KYNU: variants seen among roughly 807,000 people sequenced by gnomAD.
KYNU encodes the protein kynureninase.
In KYNU, 54 loss-of-function variants were observed where a neutral mutation model predicts 59.2. That is an observed-to-expected ratio of 0.91 (90% CI 0.73 to 1.14). The LOEUF (loss-of-function observed/expected upper bound fraction) is 1.14, where lower values mean the gene tolerates loss of function less well. Ranked by LOEUF, KYNU falls within the 50% of genes most tolerant of loss-of-function variation. The pLI is 0.00. For missense variants in KYNU, 567 were observed against 554.4 expected, an observed-to-expected ratio of 1.02 and a Z score of -0.23; for synonymous variants, 177 against 192.0, an observed-to-expected ratio of 0.92 and a Z score of 0.65.
In KYNU at chr2:142,927,755, A is replaced by T. The variant is rs753258114; in HGVS notation, c.373+14A>T. On this transcript the variant is annotated intron_variant, in intron 4 of 13. Transcript: ENST00000264170. ...AGGACATTGTAGGTAAGTACAAAACACTGAAGTTTTTCCAAATGAATTGTA... is the reference window on the plus strand; with the variant it reads ...AGGACATTGTAGGTAAGTACAAAACTCTGAAGTTTTTCCAAATGAATTGTA... 1.3e-6 allele frequency: 2 copies of T among 1,558,438 alleles called. No individual in the cohort carries two copies. Among genetic ancestry groups the T allele is most frequent in the East Asian group, 4.5e-5 (2 of 44,522 alleles).
intron 10 of KYNU, among the ~76,000 whole-genome samples, chr2:142,994,530 T>G (rs1424029883): frequency 6.6e-6 from 1 of 152,066 alleles, no homozygotes; most frequent in Non-Finnish European, 1.5e-5. Context: ...CAATCAGCTT[T>G]GGTCAGGATT....
intron 10 of KYNU, among the ~76,000 whole-genome samples, chr2:143,022,882 C>A (rs1355778724): frequency 6.6e-6 from 1 of 151,742 alleles, no homozygotes; most frequent in African/African-American, 2.4e-5. Context: ...CTTATGTTTT[C>A]TTGATCAATT....
chr2:142,881,920 T>C (rs868091841), intron 1 of KYNU, among the ~76,000 whole-genome samples: 3 of 142,618 alleles, frequency 2.1e-5, no homozygotes, highest in African/African-American at 5.3e-5. Flanking sequence ...TTTTTTCTTT[T>C]TTTTTTTTTT....
At position 143,008,095 on chromosome 2, in the gene KYNU, T is replaced by C. The variant is rs1685970201; in HGVS notation, c.903-21532T>C. Among the ~76,000 whole-genome samples the C allele has an allele frequency of 1.7e-5, 2 of 118,550 alleles. 1 individual carries two copies. The highest frequency in any genetic ancestry group is 6.0e-4 in the South Asian group (2 of 3,330). 77.8% of individuals were successfully genotyped at this position (118,550 alleles called of 152,430 possible). On this transcript the variant is annotated intron_variant, in intron 10 of 13. Coordinates refer to ENST00000264170, the MANE Select transcript of KYNU (RefSeq NM_003937.3). ...ATGTAAATGGACTAAATTCTCCAATTAAAAGACACAGACTGGCAAATTGGA... is the reference window on the plus strand; with the variant it reads ...ATGTAAATGGACTAAATTCTCCAATCAAAAGACACAGACTGGCAAATTGGA...
At chr2:142,937,052 G>C (rs1294650991) in intron 4 of KYNU, among the ~76,000 whole-genome samples, 1 of 152,168 alleles carries the variant, frequency 6.6e-6, no homozygotes, top group African/African-American at 2.4e-5. Context: ...ATAGTCTCCT[G>C]TAAACAGGAA....
At chr2:142,987,895 G>A (rs1685265407) in intron 10 of KYNU, among the ~76,000 whole-genome samples, 1 of 151,770 alleles carries the variant, frequency 6.6e-6, no homozygotes, top group Admixed American at 6.6e-5. Flanking sequence ...GTTTAAAAGT[G>A]TGTAGCACCT....
At chr2:143,017,683 C>A (rs1343907557) in intron 10 of KYNU, among the ~76,000 whole-genome samples, 1 of 152,020 alleles carries the variant, frequency 6.6e-6, no homozygotes, top group Non-Finnish European at 1.5e-5. Context: ...GGTGATCCAC[C>A]TGACTTGGCC....
intron 8 of KYNU, among the ~76,000 whole-genome samples, chr2:142,975,366 A>G (rs577236578): frequency 2.8e-4 from 42 of 152,262 alleles, no homozygotes; most frequent in African/African-American, 1.0e-3. Flanking sequence ...TCCCACTGAG[A>G]TCCCACCTCC....
intron 2 of KYNU, among the ~76,000 whole-genome samples, chr2:142,901,316 G>T (rs1271845733): frequency 6.6e-6 from 1 of 152,082 alleles, no homozygotes; most frequent in South Asian, 2.1e-4. Flanking sequence ...CTGAGGGGAG[G>T]AAACTACGTC....
At chr2:142,978,909 CCAAAAT>C (rs1466655469) in intron 8 of KYNU, among the ~76,000 whole-genome samples, 4 of 151,782 alleles carry the variant, frequency 2.6e-5, no homozygotes, top group African/African-American at 9.7e-5. Flanking sequence ...TAATAATAGT[CCAAAAT>C]CAATTTGATA....
At chr2:142,957,496 T>G (rs1415147230) in intron 6 of KYNU, 145 bp from the exon 7 acceptor site, 12 of 621,834 alleles carry the variant, frequency 1.9e-5, no homozygotes, top group Non-Finnish European at 3.4e-5. Flanking sequence ...GGTTCTTCTC[T>G]GTTGTGTATT....
chr2:142,935,698 C>G (rs1215826654), intron 4 of KYNU, among the ~76,000 whole-genome samples: 2 of 152,016 alleles, frequency 1.3e-5, no homozygotes, highest in Non-Finnish European at 2.9e-5. Flanking sequence ...ACCTTCAGTT[C>G]CTGCTACTTC....
chr2:142,885,619 C>T, intron 2 of KYNU, 83 bp downstream of exon 2: 2 of 1,236,740 alleles, frequency 1.6e-6, no homozygotes, highest in Non-Finnish European at 2.3e-6. Context: ...CTTTGAAAAT[C>T]ATTGTTGTAT....
intron 2 of KYNU, among the ~76,000 whole-genome samples, chr2:142,895,598 T>A (rs533171096): frequency 6.6e-6 from 1 of 152,352 alleles, no homozygotes; most frequent in Non-Finnish European, 1.5e-5. Context: ...TGTACAGGAT[T>A]TTGTGTGAGT....
At chr2:142,888,382 C>T (rs1013965553) in intron 2 of KYNU, among the ~76,000 whole-genome samples, 1 of 152,078 alleles carries the variant, frequency 6.6e-6, no homozygotes, top group Admixed American at 6.5e-5. Context: ...CACCTAAGCC[C>T]AGTAGTTCAA....
At chr2:142,940,928 C>T (rs1170387183) in intron 4 of KYNU, among the ~76,000 whole-genome samples, 1 of 152,168 alleles carries the variant, frequency 6.6e-6, no homozygotes, top group African/African-American at 2.4e-5. Context: ...TATAAAGATA[C>T]AACTCAGAAA....
intron 10 of KYNU, among the ~76,000 whole-genome samples, chr2:143,021,818 C>T (rs1159516903): frequency 6.6e-6 from 1 of 152,096 alleles, no homozygotes; most frequent in African/African-American, 2.4e-5. Context: ...ACACAATCCA[C>T]ATTATATCAA....
chr2:143,035,378 T>C (rs1023714878), intron 12 of KYNU, among the ~76,000 whole-genome samples: 3 of 152,244 alleles, frequency 2.0e-5, no homozygotes, highest in Non-Finnish European at 4.4e-5. Flanking sequence ...ACCAAAATTA[T>C]CTTTAGTTAA....
Position 142,977,372 on chromosome 2 carries a change from G to GATATATATATATATATATATAT in KYNU, c.730-7698_730-7697insATATATATATATATATATATAT, listed in dbSNP as rs70997538. On this transcript the variant is annotated intron_variant, in intron 8 of 13. Transcript: ENST00000264170. ...AGCTTCCTGGATGGAATTTTGTGTGGATATATATATATATGAATAATCATA... is the reference window on the plus strand; with the variant it reads ...AGCTTCCTGGATGGAATTTTGTGTGGATATATATATATATATATATATATATATATATATATGAATAATCATA... 9.9e-3 allele frequency among the ~76,000 whole-genome samples: 1,298 copies of GATATATATATATATATATATAT among 131,044 alleles called. 32 individuals are homozygous for GATATATATATATATATATATAT. Among genetic ancestry groups the GATATATATATATATATATATAT allele is most frequent in the African/African-American group, 0.02 (704 of 34,518 alleles). 86.0% of individuals were successfully genotyped at this position (131,044 alleles called of 152,430 possible).
Sources: gnomAD v4.1 joint callset for allele counts (sites outside exome capture counted in the v4.1 genomes callset) on GRCh38, gnomAD v4.1.1 for gene constraint, MANE v1.5 for transcripts, NCBI Gene and HGNC (gene_info 2026-07-23, HGNC 2026-07-21) for gene names.